PHKA1: variants seen among roughly 807,000 people sequenced by gnomAD.
PHKA1 encodes phosphorylase b kinase regulatory subunit alpha, skeletal muscle isoform.
Under a neutral mutation model 110.2 loss-of-function variants are expected in PHKA1, and 60 were observed. The observed-to-expected ratio is 0.54, with a 90% confidence interval of 0.44 to 0.68. PHKA1 has a LOEUF of 0.68. PHKA1 is among the 30% of genes least tolerant of loss of function. The pLI is 0.00. For missense variants in PHKA1, 801 were observed against 942.5 expected (o/e 0.85, Z 1.97); for synonymous variants, 316 against 333.6 (o/e 0.95, Z 0.58).
At position 72,675,149 on chromosome X, in the gene PHKA1, C is replaced by T. The variant is rs782317115; in HGVS notation, c.618+921G>A. ...GTTGCAGTGAGCCAAGATCGTGCCACTGCACTCCAGCCTGGGCAGCAGGGT... is the reference window on the plus strand; with the variant it reads ...GTTGCAGTGAGCCAAGATCGTGCCATTGCACTCCAGCCTGGGCAGCAGGGT... On this transcript the variant is annotated intron_variant, in intron 6 of 31. Transcript: ENST00000373542. Among the ~76,000 whole-genome samples the T allele has an allele frequency of 2.8e-5, 3 of 108,824 alleles. No homozygotes were observed. The South Asian group carries it at 1.2e-3, about 43-fold the overall frequency. The allele number at this position is 108,824 out of a possible 115,157, so 94.5% of individuals were successfully genotyped here.
At chrX:72,654,937 A>C (rs935462496) in intron 10 of PHKA1, among the ~76,000 whole-genome samples, 4 of 106,804 alleles carry the variant, frequency 3.7e-5, no homozygotes, top group African/African-American at 1.4e-4. Context: ...AGCTGGGACT[A>C]CAGGCGCCCG....
chrX:72,591,201 GCA>G (rs782778354), intron 29 of PHKA1, among the ~76,000 whole-genome samples: 2 of 112,047 alleles, frequency 1.8e-5, no homozygotes, highest in African/African-American at 3.2e-5. Context: ...AGAAAATGTG[GCA>G]CATATATACC....
In PHKA1 at chrX:72,662,134, A is replaced by G. The variant is rs782032747; in HGVS notation, c.864+4017T>C. ...TACAGTCCTCCCAAGTGCTGAGCCC[A>G]GTTTGGGGAGCTGCCTAGAATTCAC... On this transcript the variant is annotated intron_variant, in intron 8 of 31. Coordinates refer to ENST00000373542, the MANE Select transcript of PHKA1 (RefSeq NM_002637.4). Among the ~76,000 whole-genome samples the G allele has an allele frequency of 1.5e-4, 17 of 112,292 alleles. No individual in the cohort carries two copies. The South Asian group carries it at 6.3e-3, about 42-fold the overall frequency.
At chrX:72,675,816 T>G (rs782496973) in intron 6 of PHKA1, among the ~76,000 whole-genome samples, 1 of 110,767 alleles carries the variant, frequency 9.0e-6, no homozygotes, top group Non-Finnish European at 1.9e-5. Context: ...AAGTTTAGTT[T>G]AAGTCCTTTC....
intron 23 of PHKA1, among the ~76,000 whole-genome samples, chrX:72,607,200 C>T (rs976266080): frequency 2.7e-5 from 3 of 111,744 alleles, no homozygotes; most frequent in Non-Finnish European, 5.6e-5. Flanking sequence ...GCAGATATCT[C>T]ATCAATATAC....
intron 21 of PHKA1, among the ~76,000 whole-genome samples, chrX:72,614,290 A>AT (rs1291604765): frequency 9.0e-6 from 1 of 110,746 alleles, no homozygotes; most frequent in Non-Finnish European, 1.9e-5. Flanking sequence ...AACGTGAAAG[A>AT]GAGAGAGAGA....
At chrX:72,606,171 G>T (rs1200039042) in intron 23 of PHKA1, among the ~76,000 whole-genome samples, 1 of 111,384 alleles carries the variant, frequency 9.0e-6, no homozygotes, top group African/African-American at 3.3e-5. Flanking sequence ...ATACATTGTT[G>T]TTAACAATAG....
chrX:72,601,396 T>C (rs1268157476), intron 28 of PHKA1, among the ~76,000 whole-genome samples: 1 of 111,396 alleles, frequency 9.0e-6, no homozygotes, highest in Non-Finnish European at 1.9e-5. Context: ...TGGGAATTTA[T>C]AGCCAAGTGG....
At chrX:72,605,481 TC>T in intron 24 of PHKA1, 59 bp downstream of exon 24, 3 of 1,170,142 alleles carry the variant, frequency 2.6e-6, no homozygotes, top group East Asian at 5.9e-5. Flanking sequence ...AATTGCTAGA[TC>T]AATTGAAAAC....
intron 2 of PHKA1, among the ~76,000 whole-genome samples, chrX:72,707,630 CGTGTGTGTGTGTGTGTGTGTGTGT>C (rs61504690): frequency 1.1e-5 from 1 of 93,633 alleles, no homozygotes; most frequent in Non-Finnish European, 2.1e-5. Flanking sequence ...ATCAAAAAAT[CGTGTGTGTGTGTGTGTGTGTGTGT>C]GTGTGTGTGT....
chrX:72,705,539 A>G (rs2054271457), intron 2 of PHKA1, among the ~76,000 whole-genome samples: 1 of 111,909 alleles, frequency 8.9e-6, no homozygotes, highest in African/African-American at 3.2e-5. Context: ...AGAAAGGGGC[A>G]AGTCAGCTCA....
chrX:72,701,115 C>G, intron 3 of PHKA1, among the ~76,000 whole-genome samples: 1 of 112,368 alleles, frequency 8.9e-6, no homozygotes. Context: ...CAATAAGAAT[C>G]TGTTTTCATT....
intron 23 of PHKA1, among the ~76,000 whole-genome samples, chrX:72,607,571 T>G (rs1556253766): frequency 1.8e-5 from 2 of 111,991 alleles, no homozygotes; most frequent in African/African-American, 6.5e-5. Flanking sequence ...AAACAGACTA[T>G]TAGATTTTTT....
chrX:72,703,574 G>A (rs1336668577), intron 3 of PHKA1, among the ~76,000 whole-genome samples: 4 of 110,966 alleles, frequency 3.6e-5, no homozygotes, highest in Non-Finnish European at 5.7e-5. Context: ...CCAGTGATGC[G>A]GGAGGCTGAG....
intron 15 of PHKA1, 109 bp from the exon 16 acceptor site, chrX:72,635,408 T>A: frequency 8.6e-6 from 6 of 697,132 alleles, no homozygotes; most frequent in Non-Finnish European, 1.3e-5. Flanking sequence ...CACAGGGCAA[T>A]GATACCCCCA....
intron 5 of PHKA1, 128 bp from the exon 6 acceptor site, chrX:72,676,278 C>A: frequency 4.7e-6 from 2 of 426,529 alleles, no homozygotes; most frequent in Admixed American, 7.7e-5. Flanking sequence ...TATATATATA[C>A]CCACAATGCT....
At chrX:72,706,612 A>G (rs1210372563) in intron 2 of PHKA1, among the ~76,000 whole-genome samples, 1 of 111,503 alleles carries the variant, frequency 9.0e-6, no homozygotes, top group East Asian at 2.8e-4. Flanking sequence ...TCTTGTCTTT[A>G]TATCAATGGC....
At chrX:72,608,604 A>G (rs1197762312) in intron 23 of PHKA1, among the ~76,000 whole-genome samples, 1 of 111,361 alleles carries the variant, frequency 9.0e-6, no homozygotes, top group Non-Finnish European at 1.9e-5. Flanking sequence ...TGTTTCTCTA[A>G]GCCTTCATAT....
chrX:72,620,399 A>T (rs1481185218), intron 19 of PHKA1, among the ~76,000 whole-genome samples: 2 of 112,078 alleles, frequency 1.8e-5, no homozygotes, highest in Non-Finnish European at 3.8e-5. Context: ...ATTCCATAGA[A>T]GTAATTTTCC....
Sources: allele counts gnomAD v4.1 joint callset (sites outside exome capture counted in the v4.1 genomes callset), GRCh38; gene constraint gnomAD v4.1.1; transcripts MANE v1.5; gene names NCBI Gene and HGNC (gene_info 2026-07-23, HGNC 2026-07-21).